The following PMM2 variants were observed in gnomAD, a reference collection of about 807,000 sequenced individuals.
PMM2 encodes mannose-6-phosphate isomerase.
A neutral mutation model predicts 33.2 loss-of-function variants in PMM2; 35 were observed. The observed-to-expected ratio is 1.06, with a 90% CI of 0.81 to 1.40. The LOEUF (loss-of-function observed/expected upper bound fraction) is 1.40, where lower values mean the gene tolerates loss of function less well. PMM2 is among the 40% of genes most tolerant of loss of function. The probability of loss-of-function intolerance (pLI) is 0.00; values close to 1 mark genes in which losing one functional copy is unlikely to be tolerated. For missense variants in PMM2, 386 were observed against 306.0 expected (o/e 1.26, Z -1.95); for synonymous variants, 153 against 114.7 (o/e 1.33, Z -2.13).
chr16:8,814,029 G>A (rs966995926), intron 7 of PMM2, among the ~76,000 whole-genome samples: 1 of 151,864 alleles, frequency 6.6e-6, no homozygotes, highest in African/African-American at 2.4e-5. Flanking sequence ...ACCACACCTG[G>A]CTGATTTTTG....
At chr16:8,827,898 G>T (rs1048921132) in intron 7 of PMM2, among the ~76,000 whole-genome samples, 3,062 of 26,526 alleles carry the variant, frequency 0.12, 66 homozygotes, top group Non-Finnish European at 0.15. Context: ...TGATATATAT[G>T]ATATATATTA....
chr16:8,829,078 A>C (rs1043734779), intron 7 of PMM2: 5 of 152,246 alleles, frequency 3.3e-5, no homozygotes, highest in Non-Finnish European at 5.9e-5. Context: ...ACCGGGTTCC[A>C]GTGATTTTCC....
At chr16:8,831,077 T>G (rs75418281) in intron 7 of PMM2, among the ~76,000 whole-genome samples, 21,516 of 152,076 alleles carry the variant, frequency 0.14, 1,660 homozygotes, top group East Asian at 0.24. Context: ...AGGCAGAGAT[T>G]CCAGTGAGCC....
rs1199416879 is a variant in PMM2 at position 8,848,536 on chromosome 16, G to A, written c.*711G>A. On this transcript the variant is annotated 3_prime_UTR_variant, in exon 8 of 8. Coordinates refer to ENST00000268261, the MANE Select transcript of PMM2 (RefSeq NM_000303.3). Reference sequence around the variant, plus strand: ...TGTTCACTACACTCAGAATAGCCTGGCTGCTTCTCTGTCTCCGAGACCGGA... The same window carrying A: ...TGTTCACTACACTCAGAATAGCCTGACTGCTTCTCTGTCTCCGAGACCGGA... The A allele has an allele frequency of 1.3e-5, 2 of 152,614 alleles. No homozygotes were observed. Among genetic ancestry groups the A allele is most frequent in the Non-Finnish European group, 2.9e-5 (2 of 68,326 alleles). 9.5% of individuals were successfully genotyped at this position (152,614 alleles called of 1,614,324 possible).
At chr16:8,827,347 C>T (rs1458958503) in intron 7 of PMM2, among the ~76,000 whole-genome samples, 2 of 151,020 alleles carry the variant, frequency 1.3e-5, no homozygotes, top group African/African-American at 2.4e-5. Context: ...AAAAAAAATC[C>T]AGGAAGAGAA....
intron 7 of PMM2, among the ~76,000 whole-genome samples, chr16:8,843,131 C>A (rs2060901295): frequency 6.6e-6 from 1 of 152,100 alleles, no homozygotes; most frequent in African/African-American, 2.4e-5. Context: ...TCTAAGTTGG[C>A]ACCAGAGTTG....
chr16:8,819,135 C>T (rs1265271991), intron 7 of PMM2, among the ~76,000 whole-genome samples: 1 of 152,196 alleles, frequency 6.6e-6, no homozygotes, highest in South Asian at 2.1e-4. Context: ...TCAGTGCACT[C>T]AAGCATGTGT....
At chr16:8,804,022 G>GTTTTTTTTTT (rs770345977) in intron 2 of PMM2, among the ~76,000 whole-genome samples, 6 of 25,970 alleles carry the variant, frequency 2.3e-4, no homozygotes, top group African/African-American at 6.4e-4. Context: ...TGTTTTTTGG[G>GTTTTTTTTTT]TTTTTTTTGT....
chr16:8,808,763 C>G (rs1215263372), intron 4 of PMM2: 1 of 152,232 alleles, frequency 6.6e-6, no homozygotes, highest in African/African-American at 2.4e-5. Context: ...ACCTTTAGCC[C>G]TAGGGTCACC....
intron 7 of PMM2, among the ~76,000 whole-genome samples, chr16:8,815,391 C>T (rs569703334): frequency 3.6e-4 from 55 of 152,036 alleles, no homozygotes; most frequent in East Asian, 1.9e-3. Context: ...CCACCACGCC[C>T]GGCTAATTTT....
chr16:8,824,882 T>C (rs1008197557), intron 7 of PMM2, among the ~76,000 whole-genome samples: 3 of 152,174 alleles, frequency 2.0e-5, no homozygotes, highest in Non-Finnish European at 4.4e-5. Context: ...GCCAACTGAA[T>C]CTTTCTTTTA....
intron 7 of PMM2, chr16:8,832,702 A>T: frequency 2.0e-6 from 2 of 985,404 alleles, no homozygotes; most frequent in Non-Finnish European, 2.4e-6. Context: ...ATCCTGTTGT[A>T]AAGTAATCTG....
intron 7 of PMM2, among the ~76,000 whole-genome samples, chr16:8,813,931 A>C (rs370001953): frequency 7.2e-6 from 1 of 138,116 alleles, no homozygotes; most frequent in African/African-American, 2.7e-5. Context: ...CAGTGGTGCA[A>C]TCTTGGCTCA....
chr16:8,832,710 C>G (rs1177281122), intron 7 of PMM2: 2 of 985,450 alleles, frequency 2.0e-6, no homozygotes, highest in Non-Finnish European at 2.4e-6. Flanking sequence ...GTAAAGTAAT[C>G]TGATCATGGC....
intron 7 of PMM2, among the ~76,000 whole-genome samples, chr16:8,834,147 G>A (rs1423419923): frequency 2.0e-5 from 3 of 152,226 alleles, no homozygotes; most frequent in African/African-American, 7.2e-5. Context: ...GCATTCTGAG[G>A]ACAGGCCTGA....
At chr16:8,808,020 C>T (rs2060656587) in intron 4 of PMM2, 2 of 152,196 alleles carry the variant, frequency 1.3e-5, no homozygotes, top group South Asian at 4.1e-4. Context: ...GTTTTCAACA[C>T]TTACTATGTA....
chr16:8,800,425 A>G (rs970134676), intron 1 of PMM2, among the ~76,000 whole-genome samples: 1 of 151,698 alleles, frequency 6.6e-6, no homozygotes, highest in Non-Finnish European at 1.5e-5. Flanking sequence ...GTGCTGAGTT[A>G]TAAGACTTGT....
intron 7 of PMM2, among the ~76,000 whole-genome samples, chr16:8,837,021 C>CG (rs1211930448): frequency 1.3e-5 from 2 of 151,810 alleles, no homozygotes; most frequent in African/African-American, 2.4e-5. Flanking sequence ...GGTGGAGGAG[C>CG]GGAGGCTGAG....
Position 8,849,156 on chromosome 16 carries a change from C to T in PMM2, c.*1331C>T, listed in dbSNP as rs1035509912. The T allele has an allele frequency of 6.6e-6, 1 of 152,280 alleles. No homozygotes were observed. The highest frequency in any genetic ancestry group is 6.5e-5 in the Admixed American group (1 of 15,290). 9.4% of individuals were successfully genotyped at this position (152,280 alleles called of 1,614,324 possible). A position where few individuals can be genotyped will look rare whatever the true frequency, so the allele number is the denominator to read the frequency against. ...TAAACCTGGTTCCCTCCAAACCTCC[C>T]AGCCACTCGGGCTTGTAACTGTCTG... On this transcript the variant is annotated 3_prime_UTR_variant, in exon 8 of 8. Coordinates refer to ENST00000268261, the MANE Select transcript of PMM2 (RefSeq NM_000303.3).
Sources: gnomAD v4.1 joint callset for allele counts (sites outside exome capture counted in the v4.1 genomes callset) on GRCh38, gnomAD v4.1.1 for gene constraint, MANE v1.5 for transcripts, NCBI Gene and HGNC (gene_info 2026-07-23, HGNC 2026-07-21) for gene names.